SEC22A: variants seen among roughly 807,000 people sequenced by gnomAD.
The protein encoded by SEC22A is SEC22 homolog A, vesicle trafficking protein.
A neutral mutation model predicts 35.3 loss-of-function variants in SEC22A; 22 were observed. That is an observed-to-expected ratio of 0.62 (90% CI 0.45 to 0.89). The LOEUF is 0.89. SEC22A is among the 40% of genes least tolerant of loss of function. SEC22A has a pLI of 0.00. For missense variants in SEC22A, 354 were observed against 362.5 expected (o/e 0.98, Z 0.19); for synonymous variants, 119 against 129.5 (o/e 0.92, Z 0.55).
At chr3:123,203,385 A>C (rs189167737) in intron 1 of SEC22A, among the ~76,000 whole-genome samples, 10 of 152,322 alleles carry the variant, frequency 6.6e-5, no homozygotes, top group Non-Finnish European at 1.2e-4. Flanking sequence ...GAGAGTAATC[A>C]ATAAATAATA....
intron 2 of SEC22A, among the ~76,000 whole-genome samples, chr3:123,212,270 G>A (rs1936950262): frequency 6.6e-6 from 1 of 152,042 alleles, no homozygotes; most frequent in Admixed American, 6.6e-5. Flanking sequence ...TATTTAATTG[G>A]GGTTTCTGAG....
chr3:123,267,269 CTT>C (rs940321670), intron 6 of SEC22A, among the ~76,000 whole-genome samples: 1 of 145,364 alleles, frequency 6.9e-6, no homozygotes, highest in African/African-American at 2.5e-5. Flanking sequence ...TATGTTAGGA[CTT>C]TTTTTTTTCT....
At chr3:123,269,030 G>GCAAT (rs1938086767) in intron 6 of SEC22A, among the ~76,000 whole-genome samples, 1 of 152,158 alleles carries the variant, frequency 6.6e-6, no homozygotes, top group Non-Finnish European at 1.5e-5. Context: ...GCTTCAGTCA[G>GCAAT]GAAATGTGAT....
intron 5 of SEC22A, among the ~76,000 whole-genome samples, chr3:123,250,136 GC>G (rs1345727656): frequency 1.3e-5 from 2 of 152,158 alleles, no homozygotes; most frequent in African/African-American, 4.8e-5. Context: ...GAGGGGCTGG[GC>G]ACGGTGGCTC....
chr3:123,207,515 T>A (rs1432478205), intron 1 of SEC22A, among the ~76,000 whole-genome samples: 2 of 152,212 alleles, frequency 1.3e-5, no homozygotes, highest in African/African-American at 2.4e-5. Flanking sequence ...TTTAGTGACA[T>A]TGTGCTTTGA....
At chr3:123,236,693 G>A (rs936788719) in intron 4 of SEC22A, among the ~76,000 whole-genome samples, 3 of 152,154 alleles carry the variant, frequency 2.0e-5, no homozygotes, top group Admixed American at 6.5e-5. Flanking sequence ...AGAAGATAGT[G>A]TCATAAGCTT....
At chr3:123,231,457 A>C (rs1237981195) in intron 4 of SEC22A, among the ~76,000 whole-genome samples, 1 of 152,244 alleles carries the variant, frequency 6.6e-6, no homozygotes, top group Non-Finnish European at 1.5e-5. Context: ...ATTTAAAAGG[A>C]TAGAAATAGT....
intron 4 of SEC22A, among the ~76,000 whole-genome samples, chr3:123,244,215 T>C (rs1407961281): frequency 6.6e-6 from 1 of 152,156 alleles, no homozygotes; most frequent in Non-Finnish European, 1.5e-5. Flanking sequence ...CACCTTCTTA[T>C]GTTGTGGGCA....
At chr3:123,236,259 G>A (rs1937417350) in intron 4 of SEC22A, among the ~76,000 whole-genome samples, 1 of 152,140 alleles carries the variant, frequency 6.6e-6, no homozygotes, top group East Asian at 1.9e-4. Flanking sequence ...AAGACTTCCA[G>A]CTCTAGTAGT....
At chr3:123,210,870 G>A (rs867736453) in intron 2 of SEC22A, among the ~76,000 whole-genome samples, 5 of 152,278 alleles carry the variant, frequency 3.3e-5, no homozygotes, top group Middle Eastern at 6.8e-3. Context: ...CCAGGTGTAC[G>A]GAGGAGAGGC....
At chr3:123,220,867 C>T (rs1937107599) in intron 2 of SEC22A, among the ~76,000 whole-genome samples, 7 of 97,576 alleles carry the variant, frequency 7.2e-5, no homozygotes, top group South Asian at 3.0e-4. Context: ...AAAAAGGTCT[C>T]ATATATATAT....
chr3:123,222,127 T>C (rs1576487889), intron 2 of SEC22A, among the ~76,000 whole-genome samples: 1 of 92 alleles, frequency 0.011, no homozygotes, highest in Admixed American at 0.25. Context: ...TTTATAGCAT[T>C]TTTTTTTTTT....
At chr3:123,231,768 A>G (rs1937331181) in intron 4 of SEC22A, among the ~76,000 whole-genome samples, 2 of 152,234 alleles carry the variant, frequency 1.3e-5, no homozygotes, top group African/African-American at 4.8e-5. Flanking sequence ...GATAATGGAA[A>G]AAGAAAAGCA....
At chr3:123,252,717 G>C (rs1937628489) in intron 5 of SEC22A, among the ~76,000 whole-genome samples, 1 of 152,128 alleles carries the variant, frequency 6.6e-6, no homozygotes, top group Non-Finnish European at 1.5e-5. Flanking sequence ...GTTATTAATG[G>C]TGTTTGAAGA....
chr3:123,217,302 A>G (rs1049500970), intron 2 of SEC22A, among the ~76,000 whole-genome samples: 5 of 151,222 alleles, frequency 3.3e-5, no homozygotes, highest in African/African-American at 9.7e-5. Flanking sequence ...GGTTCAGGCC[A>G]TTCTCCTGCC....
chr3:123,268,723 T>C (rs936221159), intron 6 of SEC22A, among the ~76,000 whole-genome samples: 3 of 152,236 alleles, frequency 2.0e-5, no homozygotes, highest in African/African-American at 7.2e-5. Flanking sequence ...TTATCTAATA[T>C]ATGATTCCTA....
chr3:123,234,355 A>G (rs1937379542), intron 4 of SEC22A, among the ~76,000 whole-genome samples: 1 of 152,172 alleles, frequency 6.6e-6, no homozygotes, highest in Non-Finnish European at 1.5e-5. Context: ...AAGTTGGAGG[A>G]CTCACACTTC....
chr3:123,223,459 A>G lies in SEC22A; in HGVS notation c.183-100A>G, dbSNP rs1423904239. On this transcript the variant is annotated intron_variant, in intron 2 of 6. Transcript: ENST00000492595. ...AATAAATGTTAAGATCTTCATTGCCACCGTAGTAGCAGTTTATGGTGTATA... is the reference window on the plus strand; with the variant it reads ...AATAAATGTTAAGATCTTCATTGCCGCCGTAGTAGCAGTTTATGGTGTATA... 3 of 864,150 alleles carry G rather than the reference A, an allele frequency of 3.5e-6. No homozygotes were observed. The Admixed American group carries it at 7.3e-5, about 21-fold the overall frequency. 53.5% of individuals were successfully genotyped at this position (864,150 alleles called of 1,614,324 possible).
chr3:123,209,163 AT>A, intron 1 of SEC22A, 35 bp from the exon 2 acceptor site: 4 of 1,561,616 alleles, frequency 2.6e-6, no homozygotes, highest in Non-Finnish European at 3.5e-6. Context: ...TTTGGCTTTA[AT>A]TTTTATGTAA....
Sources: gnomAD v4.1 joint callset for allele counts (sites outside exome capture counted in the v4.1 genomes callset) on GRCh38, gnomAD v4.1.1 for gene constraint, MANE v1.5 for transcripts, NCBI Gene and HGNC (gene_info 2026-07-23, HGNC 2026-07-21) for gene names.